FOXN3: variants seen among roughly 807,000 people sequenced by gnomAD.
FOXN3 encodes the protein forkhead box N3, also known as forkhead box protein N3.
A neutral mutation model predicts 38.4 loss-of-function variants in FOXN3; 7 were observed. That is an observed-to-expected ratio of 0.18 (90% CI 0.10 to 0.34). FOXN3 has a LOEUF of 0.34. Ranked by LOEUF, FOXN3 falls within the 10% of genes least tolerant of loss-of-function variation. The probability of loss-of-function intolerance (pLI) is 1.00; values close to 1 mark genes in which losing one functional copy is unlikely to be tolerated. For synonymous variants in FOXN3, 230 were observed against 242.2 expected (o/e 0.95, Z 0.47); for missense variants, 456 against 613.4 (o/e 0.74, Z 2.71).
intron 3 of FOXN3, among the ~76,000 whole-genome samples, chr14:89,327,061 C>A (rs1332856402): frequency 6.8e-6 from 1 of 147,994 alleles, no homozygotes; most frequent in Non-Finnish European, 1.5e-5. Flanking sequence ...AGAGATGAGT[C>A]CAATTCTGAA....
chr14:89,533,212 CAT>C (rs1395781065), intron 1 of FOXN3, among the ~76,000 whole-genome samples: 13 of 152,208 alleles, frequency 8.5e-5, no homozygotes, highest in Non-Finnish European at 1.3e-4. Context: ...GAAAGCCACA[CAT>C]GAGGCCCCTT....
chr14:89,446,793 T>C (rs560102970), intron 1 of FOXN3, among the ~76,000 whole-genome samples: 106 of 152,370 alleles, frequency 7.0e-4, no homozygotes, highest in Admixed American at 1.5e-3. Flanking sequence ...GTTTGGCCAC[T>C]TGCCACTTTT....
intron 1 of FOXN3, among the ~76,000 whole-genome samples, chr14:89,579,021 A>T (rs912270560): frequency 1.3e-5 from 2 of 151,766 alleles, no homozygotes; most frequent in African/African-American, 2.4e-5. Context: ...TGAATTTTTT[A>T]AATTTTTTTC....
chr14:89,617,609 C>G (rs1896517335), intron 1 of FOXN3, among the ~76,000 whole-genome samples: 1 of 152,196 alleles, frequency 6.6e-6, no homozygotes, highest in Non-Finnish European at 1.5e-5. Context: ...AGTTGAACAA[C>G]TTTGCATTCT....
chr14:89,610,240 C>T lies in FOXN3; in HGVS notation c.-15+8788G>A, dbSNP rs536922189. Among the ~76,000 whole-genome samples, 8 of 152,308 alleles carry T rather than the reference C, an allele frequency of 5.3e-5. No homozygotes were observed. In the South Asian group the frequency reaches 1.7e-3, roughly 32 times the overall value. ...ATCTCAGGGCATGCCAGCCCAACTG[C>T]CACCTGCTACCAACGGCATCAAGAA... On this transcript the variant is annotated intron_variant, in intron 1 of 6. Transcript: ENST00000345097.
At chr14:89,455,147 G>C (rs892816752) in intron 1 of FOXN3, among the ~76,000 whole-genome samples, 1 of 152,196 alleles carries the variant, frequency 6.6e-6, no homozygotes, top group African/African-American at 2.4e-5. Flanking sequence ...GAGATTAAAG[G>C]CCTGATGAGA....
chr14:89,397,196 A>G (rs1891121483), intron 2 of FOXN3, among the ~76,000 whole-genome samples: 1 of 152,176 alleles, frequency 6.6e-6, no homozygotes, highest in Non-Finnish European at 1.5e-5. Context: ...AGAAAACCAA[A>G]TACCACATGT....
chr14:89,294,437 G>A (rs1395694516), intron 3 of FOXN3, among the ~76,000 whole-genome samples: 1 of 152,174 alleles, frequency 6.6e-6, no homozygotes, highest in Non-Finnish European at 1.5e-5. Context: ...GGCTACAGAA[G>A]TGTGAATGTG....
intron 3 of FOXN3, among the ~76,000 whole-genome samples, chr14:89,335,800 AT>A (rs1382343268): frequency 6.6e-6 from 1 of 152,094 alleles, no homozygotes; most frequent in Admixed American, 6.6e-5. Flanking sequence ...AACAACAATA[AT>A]TTTTTTTAAA....
chr14:89,564,016 A>C (rs1895299859), intron 1 of FOXN3, among the ~76,000 whole-genome samples: 1 of 151,988 alleles, frequency 6.6e-6, no homozygotes, highest in East Asian at 1.9e-4. Flanking sequence ...CATCCAGTTA[A>C]ATTTGTTTGT....
Position 89,197,441 on chromosome 14 carries a change from G to A in FOXN3, c.746-16635C>T, listed in dbSNP as rs1001343005. Among the ~76,000 whole-genome samples the A allele has an allele frequency of 3.9e-5, 6 of 152,058 alleles. No homozygotes were observed. In the South Asian group the frequency reaches 6.2e-4, roughly 16 times the overall value. On this transcript the variant is annotated intron_variant, in intron 4 of 5. Transcript: ENST00000557258. ...AGAATTGCTTGAACCTGAAGGCAGA[G>A]GTTGCAGTGAGCCGAGATGGTGCCA...
intron 1 of FOXN3, among the ~76,000 whole-genome samples, chr14:89,429,137 C>T (rs879795668): frequency 7.2e-5 from 11 of 152,302 alleles, no homozygotes; most frequent in Middle Eastern, 6.8e-3. Context: ...CCCAGTGATC[C>T]TGGACCTCCG....
intron 4 of FOXN3, among the ~76,000 whole-genome samples, chr14:89,208,030 G>A (rs796728562): frequency 7.9e-4 from 121 of 152,316 alleles, no homozygotes; most frequent in African/African-American, 2.8e-3. Context: ...GGACAGACAT[G>A]AGCACCCTTC....
chr14:89,381,532 C>CAAAAAAAAAAAAAAAA (rs71897384), intron 2 of FOXN3, among the ~76,000 whole-genome samples: 1 of 75,938 alleles, frequency 1.3e-5, no homozygotes, highest in Non-Finnish European at 2.4e-5. Flanking sequence ...CCTCAAAAAG[C>CAAAAAAAAAAAAAAAA]AAAAAAAAAA....
chr14:89,581,674 C>T (rs1054095189), intron 1 of FOXN3, among the ~76,000 whole-genome samples: 1 of 152,122 alleles, frequency 6.6e-6, no homozygotes, highest in African/African-American at 2.4e-5. Flanking sequence ...GTCCTTCCAG[C>T]ATCCACATGC....
At chr14:89,303,501 A>AAC (rs1887282264) in intron 3 of FOXN3, among the ~76,000 whole-genome samples, 1 of 117,632 alleles carries the variant, frequency 8.5e-6, no homozygotes. Context: ...TCTGCTAAAA[A>AAC]AAAAAAACAA....
chr14:89,390,608 C>T (rs1424765588), intron 2 of FOXN3, among the ~76,000 whole-genome samples: 1 of 151,794 alleles, frequency 6.6e-6, no homozygotes, highest in Middle Eastern at 3.4e-3. Context: ...ATTGAATGTG[C>T]CTTTATTCTA....
At chr14:89,549,012 G>C (rs550170531) in intron 1 of FOXN3, among the ~76,000 whole-genome samples, 33 of 151,844 alleles carry the variant, frequency 2.2e-4, no homozygotes, top group Admixed American at 1.8e-3. Flanking sequence ...CCAGCTACTC[G>C]GGAGGCTGAG....
At chr14:89,204,052 TACACACACACACACAC>T (rs10559428) in intron 4 of FOXN3, among the ~76,000 whole-genome samples, 7,109 of 133,726 alleles carry the variant, frequency 0.053, 393 homozygotes, top group African/African-American at 0.14. Flanking sequence ...CATACTCCCT[TACACACACACACACAC>T]ACACACACAC....
Sources: allele counts gnomAD v4.1 joint callset (sites outside exome capture counted in the v4.1 genomes callset), GRCh38; gene constraint gnomAD v4.1.1; transcripts MANE v1.5; gene names NCBI Gene and HGNC (gene_info 2026-07-23, HGNC 2026-07-21).